Variants in XKR3 observed in about 807,000 individuals in gnomAD.
XKR3 encodes XK-related protein 3.
A neutral mutation model predicts 40.3 loss-of-function variants in XKR3; 27 were observed. The ratio of observed to expected loss-of-function variants is 0.67; its 90% CI spans 0.49 to 0.92. XKR3 has a LOEUF of 0.92. Among genes scored for constraint, XKR3 ranks in the 40% least tolerant of loss-of-function variants. The pLI, the probability that XKR3 is intolerant of heterozygous loss-of-function variation, is 0.00. For synonymous variants in XKR3, 193 were observed against 195.4 expected (o/e 0.99, Z 0.10); for missense variants, 472 against 537.6 (o/e 0.88, Z 1.21).
chr22:16,823,383 C>A (rs2060263924), intron 1 of XKR3, among the ~76,000 whole-genome samples: 1 of 152,138 alleles, frequency 6.6e-6, no homozygotes, highest in Admixed American at 6.5e-5. Context: ...CCACCATCAT[C>A]ATTTCTTAGA....
At chr22:16,814,932 C>T (rs1386034964) in intron 1 of XKR3, among the ~76,000 whole-genome samples, 1 of 144,460 alleles carries the variant, frequency 6.9e-6, no homozygotes, top group East Asian at 2.0e-4. Flanking sequence ...ATTTAGATGG[C>T]TTTTTTTTTT....
chr22:16,786,938 A>G (rs1708691080), intron 3 of XKR3, among the ~76,000 whole-genome samples: 1 of 152,204 alleles, frequency 6.6e-6, no homozygotes, highest in African/African-American at 2.4e-5. Context: ...AGAGATGGGC[A>G]TGGACACATA....
chr22:16,817,178 T>TA (rs1315402842), intron 1 of XKR3, among the ~76,000 whole-genome samples: 2 of 151,418 alleles, frequency 1.3e-5, no homozygotes, highest in Non-Finnish European at 1.5e-5. Flanking sequence ...ATTCTCTATT[T>TA]AAAAAATTTA....
At chr22:16,797,228 C>A (rs1289829605) in intron 3 of XKR3, among the ~76,000 whole-genome samples, 1 of 152,096 alleles carries the variant, frequency 6.6e-6, no homozygotes. Flanking sequence ...TGGAAAATAA[C>A]CTAGGAAGCA....
At chr22:16,815,954 C>T (rs968917952) in intron 1 of XKR3, among the ~76,000 whole-genome samples, 7 of 151,730 alleles carry the variant, frequency 4.6e-5, no homozygotes, top group African/African-American at 1.7e-4. Context: ...ATTGTCCCTC[C>T]TTATTGCTTG....
At chr22:16,794,294 A>T (rs1305104711) in intron 3 of XKR3, among the ~76,000 whole-genome samples, 1 of 152,136 alleles carries the variant, frequency 6.6e-6, no homozygotes, top group African/African-American at 2.4e-5. Flanking sequence ...ACAAACAAAC[A>T]AAAGAAAGGA....
At chr22:16,787,103 A>C (rs2146139653) in intron 3 of XKR3, among the ~76,000 whole-genome samples, 1 of 152,286 alleles carries the variant, frequency 6.6e-6, no homozygotes, top group African/African-American at 2.4e-5. Context: ...AACACAATAA[A>C]ATAAAAAAAA....
intron 1 of XKR3, chr22:16,821,491 G>A (rs562430775): frequency 6.3e-4 from 95 of 151,840 alleles, no homozygotes; most frequent in African/African-American, 2.1e-3. Context: ...TGCTTTCCAG[G>A]TATATTGGCA....
intron 2 of XKR3, among the ~76,000 whole-genome samples, chr22:16,806,317 AC>A (rs1290679887): frequency 1.3e-5 from 2 of 151,504 alleles, no homozygotes; most frequent in Non-Finnish European, 2.9e-5. Flanking sequence ...CTCGTGAAAA[AC>A]CTTTGTAACA....
Position 16,807,754 on chromosome 22 carries a change from A to G in XKR3, c.320T>C (p.Leu107Ser). 1 of 1,604,028 alleles carries G rather than the reference A, an allele frequency of 6.2e-7. No individual in the cohort carries two copies. Among genetic ancestry groups the G allele is most frequent in the Non-Finnish European group, 8.5e-7 (1 of 1,174,458 alleles). The change falls in exon 2 of 4, where the codon TTA (leucine) becomes TCA (serine). Residue 107 changes from leucine (L) to serine (S), a missense_variant. Coordinates refer to ENST00000684488, the MANE Select transcript of XKR3 (RefSeq NM_001386955.1). ...TGTCACTTACCTCACAATAGGTCCT[A>G]AAAGAAGAATGTGCCAAAAAAGTAA... The part of the protein sequence containing the change: ...AALLFWHILL[L>S]GPIVRCLHTI...
At chr22:16,807,674 A>C (rs1012381928) in intron 2 of XKR3, 65 bp downstream of exon 2, 1 of 1,333,800 alleles carries the variant, frequency 7.5e-7, no homozygotes, top group African/African-American at 1.5e-5. Flanking sequence ...TAATCTTTTT[A>C]GCCATCTATT....
chr22:16,796,747 G>A lies in XKR3; in HGVS notation c.589+3024C>T, dbSNP rs12159907. Among the ~76,000 whole-genome samples the A allele has an allele frequency of 3.3e-3, 495 of 152,198 alleles. 4 individuals are homozygous for A. Among genetic ancestry groups the A allele is most frequent in the African/African-American group, 0.011 (440 of 41,536 alleles). On this transcript the variant is annotated intron_variant, in intron 3 of 3. Coordinates refer to ENST00000684488, the MANE Select transcript of XKR3 (RefSeq NM_001386955.1). Reference sequence around the variant, plus strand: ...AACATCATACTGAATGGGCAGAAGCGCAAATTATTTAATGCTATCCCTGTC... The same window carrying A: ...AACATCATACTGAATGGGCAGAAGCACAAATTATTTAATGCTATCCCTGTC...
chr22:16,790,605 A>G (rs1432841028), intron 3 of XKR3, among the ~76,000 whole-genome samples: 5 of 152,170 alleles, frequency 3.3e-5, no homozygotes, highest in Non-Finnish European at 5.9e-5. Context: ...AATGGACACT[A>G]GGCTTAATAC....
At chr22:16,823,678 A>G (rs1009093994) in intron 1 of XKR3, among the ~76,000 whole-genome samples, 12 of 152,230 alleles carry the variant, frequency 7.9e-5, no homozygotes, top group African/African-American at 2.9e-4. Flanking sequence ...AAACATTCAG[A>G]AAATACAAAT....
intron 3 of XKR3, among the ~76,000 whole-genome samples, chr22:16,791,697 A>C (rs2060116526): frequency 6.8e-6 from 1 of 147,032 alleles, no homozygotes; most frequent in African/African-American, 2.5e-5. Flanking sequence ...TAGAGAAAGA[A>C]AGGAGGCAGG....
chr22:16,810,997 T>C (rs1569042305), intron 1 of XKR3, among the ~76,000 whole-genome samples: 2 of 152,184 alleles, frequency 1.3e-5, no homozygotes, highest in Admixed American at 6.5e-5. Context: ...TGCTTCCTAC[T>C]AAAGCCAAAA....
chr22:16,823,997 G>A (rs983305), intron 1 of XKR3, among the ~76,000 whole-genome samples: 65,676 of 151,522 alleles, frequency 0.43, 14,591 homozygotes, highest in Non-Finnish European at 0.46. Context: ...TGAGACAAAT[G>A]GTCCAAAAAT....
chr22:16,786,307 T>C (rs2060090981), intron 3 of XKR3, among the ~76,000 whole-genome samples: 1 of 150,732 alleles, frequency 6.6e-6, no homozygotes, highest in South Asian at 2.1e-4. Context: ...TGGTGGCACA[T>C]GCCTGTAGTC....
At chr22:16,810,096 C>T (rs960067087) in intron 1 of XKR3, among the ~76,000 whole-genome samples, 2 of 152,186 alleles carry the variant, frequency 1.3e-5, no homozygotes, top group African/African-American at 4.8e-5. Context: ...TTGAATTATT[C>T]CTGATGCATT....
Sources: gnomAD v4.1 joint callset for allele counts (sites outside exome capture counted in the v4.1 genomes callset) on GRCh38, gnomAD v4.1.1 for gene constraint, MANE v1.5 for transcripts, NCBI Gene and HGNC (gene_info 2026-07-23, HGNC 2026-07-21) for gene names.